Variants in LAMC2 observed in about 807,000 individuals in gnomAD.
The protein encoded by LAMC2 is laminin subunit gamma 2.
LAMC2 carries 97 observed loss-of-function variants against 140.2 expected under a neutral mutation model. That is an observed-to-expected ratio of 0.69 (90% CI 0.59 to 0.82). The LOEUF is 0.82. Ranked by LOEUF, LAMC2 falls within the 40% of genes least tolerant of loss-of-function variation. The pLI, the probability that LAMC2 is intolerant of heterozygous loss-of-function variation, is 0.00. For missense variants in LAMC2, 1,402 were observed against 1,476.1 expected, an observed-to-expected ratio of 0.95 and a Z score of 0.82; for synonymous variants, 513 against 540.2, an observed-to-expected ratio of 0.95 and a Z score of 0.70.
intron 11 of LAMC2, among the ~76,000 whole-genome samples, chr1:183,230,233 G>C (rs973287185): frequency 1.3e-5 from 2 of 152,158 alleles, no homozygotes; most frequent in African/African-American, 4.8e-5. Context: ...AGGCCATAAT[G>C]GTGAATAAGT....
intron 11 of LAMC2, among the ~76,000 whole-genome samples, chr1:183,229,591 C>T (rs1659739459): frequency 7.0e-6 from 1 of 143,812 alleles, no homozygotes; most frequent in African/African-American, 2.6e-5. Flanking sequence ...GAGCCGAGAT[C>T]ATGTCACTGC....
chr1:183,247,175 G>A (rs1386928775), downstream of LAMC2, among the ~76,000 whole-genome samples: 2 of 152,124 alleles, frequency 1.3e-5, no homozygotes, highest in African/African-American at 2.4e-5. Context: ...AACTGCGCAT[G>A]GTGGCAGGCG....
intron 1 of LAMC2, among the ~76,000 whole-genome samples, chr1:183,196,561 T>A (rs1183090881): frequency 6.7e-6 from 1 of 148,910 alleles, no homozygotes; most frequent in Non-Finnish European, 1.5e-5. Flanking sequence ...TGAAACTTTA[T>A]TCACCATCTT....
At chr1:183,213,953 T>A (rs1373510990) in intron 2 of LAMC2, among the ~76,000 whole-genome samples, 2 of 151,148 alleles carry the variant, frequency 1.3e-5, no homozygotes, top group Non-Finnish European at 2.9e-5. Context: ...TAATCCCAGC[T>A]ACTTGGGAGG....
At chr1:183,205,432 A>C (rs1005773544) in intron 1 of LAMC2, among the ~76,000 whole-genome samples, 2 of 152,246 alleles carry the variant, frequency 1.3e-5, no homozygotes, top group Non-Finnish European at 2.9e-5. Flanking sequence ...AATTGTGTGC[A>C]AATGTAATAT....
At chr1:183,229,790 G>A (rs1298537664) in intron 11 of LAMC2, among the ~76,000 whole-genome samples, 2 of 152,052 alleles carry the variant, frequency 1.3e-5, no homozygotes, top group Non-Finnish European at 2.9e-5. Context: ...TCTGCAACCT[G>A]AGGCTTCTAC....
chr1:183,186,369 T>C lies in LAMC2; in HGVS notation c.17T>C (p.Leu6Pro). The C allele has an allele frequency of 6.2e-7, 1 of 1,603,800 alleles. No homozygotes were observed. The highest frequency in any genetic ancestry group is 8.5e-7 in the Non-Finnish European group (1 of 1,179,170). ...GGCCCCGCCATGCCTGCGCTCTGGC[T>C]GGGCTGCTGCCTCTGCTTCTCGCTC... MPALW[L>P]GCCLCFSLLL... The change falls in exon 1 of 23, where the codon CTG becomes CCG. Residue 6 changes from leucine (L) to proline (P), a missense_variant. Coordinates refer to ENST00000264144, the MANE Select transcript of LAMC2 (RefSeq NM_005562.3).
intron 14 of LAMC2, 53 bp from the exon 15 acceptor site, chr1:183,234,314 C>A: frequency 7.1e-7 from 1 of 1,406,816 alleles, no homozygotes; most frequent in Non-Finnish European, 1.0e-6. Flanking sequence ...AGTTCCATGG[C>A]CAAGTGCAAA....
intron 4 of LAMC2, among the ~76,000 whole-genome samples, chr1:183,220,165 G>A (rs900253086): frequency 3.3e-5 from 5 of 152,134 alleles, no homozygotes; most frequent in Admixed American, 2.6e-4. Flanking sequence ...CTCCAGCATC[G>A]AGGATGCCCC....
At chr1:183,206,870 G>T (rs1232141806) in intron 1 of LAMC2, among the ~76,000 whole-genome samples, 1 of 152,162 alleles carries the variant, frequency 6.6e-6, no homozygotes, top group Non-Finnish European at 1.5e-5. Flanking sequence ...ATCAGGCAGA[G>T]GTTCAAATCT....
At chr1:183,205,688 T>C (rs535555776) in intron 1 of LAMC2, among the ~76,000 whole-genome samples, 1 of 152,296 alleles carries the variant, frequency 6.6e-6, no homozygotes, top group Non-Finnish European at 1.5e-5. Context: ...AGGAGGGAGA[T>C]GCCATAGCTA....
Position 183,232,800 on chromosome 1 carries a change from G to T in LAMC2, c.2163G>T (p.Arg721Ser). The stretch of plus-strand genomic sequence containing the variant: ...AGAACCGAGTTCGGGATACTCACAG[G>T]CTCATCACTCAGATGCAGCTGAGCC... ...QYQNRVRDTH[R>S]LITQMQLSLA... Residue 721 changes from arginine (R) to serine (S), a missense_variant, in exon 14 of 23, where the codon AGG becomes AGT. Arg to Ser is a moderately radical substitution (Grantham distance 110, BLOSUM62 -1). Transcript: ENST00000264144. The T allele has an allele frequency of 2.5e-6, 4 of 1,614,164 alleles. No homozygotes were observed. Among genetic ancestry groups the T allele is most frequent in the Middle Eastern group, 3.3e-4 (2 of 6,054 alleles).
intron 9 of LAMC2, 36 bp downstream of exon 9, chr1:183,226,952 T>C (rs1659645084): frequency 6.5e-7 from 1 of 1,532,746 alleles, no homozygotes; most frequent in African/African-American, 1.4e-5. Flanking sequence ...GTGGCTGGGG[T>C]GTCATGTGGA....
intron 2 of LAMC2, among the ~76,000 whole-genome samples, chr1:183,209,720 T>G (rs1188330822): frequency 6.6e-6 from 1 of 152,132 alleles, no homozygotes; most frequent in Non-Finnish European, 1.5e-5. Flanking sequence ...AAACTAGAAA[T>G]TTAATTGGCT....
At chr1:183,201,439 T>C (rs991264942) in intron 1 of LAMC2, among the ~76,000 whole-genome samples, 2 of 152,220 alleles carry the variant, frequency 1.3e-5, no homozygotes, top group African/African-American at 4.8e-5. Context: ...GCTTGCTCTT[T>C]CCTTTGTCAG....
chr1:183,198,004 T>A (rs986284044), intron 1 of LAMC2, among the ~76,000 whole-genome samples: 8 of 151,786 alleles, frequency 5.3e-5, no homozygotes, highest in Admixed American at 2.6e-4. Flanking sequence ...GGAAGAGAGT[T>A]GCACAAAGGA....
chr1:183,227,704 C>T lies in LAMC2; in HGVS notation c.1468+7C>T, dbSNP rs763513949. 6.2e-7 allele frequency: 1 copy of T among 1,613,766 alleles called. No individual in the cohort carries two copies. Among genetic ancestry groups the T allele is most frequent in the Admixed American group, 1.7e-5 (1 of 60,014 alleles). ...TGCCCTCCCGGGGTCACCGGTAAGGCCATGGGTCTGCTCTGCCACCTGCCT... is the reference window on the plus strand; with the variant it reads ...TGCCCTCCCGGGGTCACCGGTAAGGTCATGGGTCTGCTCTGCCACCTGCCT... On this transcript the variant is annotated splice_region_variant and intron_variant, in intron 10 of 22. Transcript: ENST00000264144.
At chr1:183,225,468 G>T in intron 7 of LAMC2, 140 bp from the exon 8 acceptor site, 1 of 691,978 alleles carries the variant, frequency 1.4e-6, no homozygotes, top group South Asian at 1.5e-5. Context: ...CCTATGAAAA[G>T]GTGGCTCTCA....
Position 183,189,709 on chromosome 1 carries a change from A to T in LAMC2, c.79+3278A>T, listed in dbSNP as rs552789252. ...CAGGAGGAATGAGCACTGAGGATAGAGGAAAATCAAAGAAGAAGAGGGTTT... is the reference window on the plus strand; with the variant it reads ...CAGGAGGAATGAGCACTGAGGATAGTGGAAAATCAAAGAAGAAGAGGGTTT... On this transcript the variant is annotated intron_variant, in intron 1 of 22. Transcript: ENST00000264144. Among the ~76,000 whole-genome samples, 34 of 152,350 alleles carry T rather than the reference A, an allele frequency of 2.2e-4. No homozygotes were observed. The South Asian group carries it at 6.6e-3, about 30-fold the overall frequency.
Sources: allele counts gnomAD v4.1 joint callset (sites outside exome capture counted in the v4.1 genomes callset), GRCh38; gene constraint gnomAD v4.1.1; transcripts MANE v1.5; gene names NCBI Gene and HGNC (gene_info 2026-07-23, HGNC 2026-07-21).